Variants in TOP1MT observed in about 807,000 individuals in gnomAD.
TOP1MT encodes the protein DNA topoisomerase I mitochondrial.
Under a neutral mutation model 73.9 loss-of-function variants are expected in TOP1MT, and 80 were observed. The ratio of observed to expected loss-of-function variants is 1.08; its 90% CI spans 0.90 to 1.30. The LOEUF (loss-of-function observed/expected upper bound fraction) is 1.30, where lower values mean the gene tolerates loss of function less well. TOP1MT is among the 50% of genes most tolerant of loss of function. The pLI is 0.00. For synonymous variants in TOP1MT, 338 were observed against 326.4 expected, an observed-to-expected ratio of 1.04 and a Z score of -0.38; for missense variants, 815 against 808.0, an observed-to-expected ratio of 1.01 and a Z score of -0.10.
At position 143,326,337 on chromosome 8, in the gene TOP1MT, G is replaced by A. The variant is rs2130244893; in HGVS notation, c.368C>T (p.Ala123Val). 7 of 1,613,856 alleles carry A rather than the reference G, an allele frequency of 4.3e-6. No homozygotes were observed. Among genetic ancestry groups the A allele is most frequent in the Non-Finnish European group, 5.1e-6 (6 of 1,179,960 alleles). Residue 123 changes from alanine (A) to valine (V), a missense_variant, in exon 4 of 14, where the codon GCG becomes GTG. By Grantham distance (64) the Ala-to-Val change is moderately conservative. This residue lies in a region of TOP1MT where 751 missense variants were observed against 725.4 expected (regional missense o/e 1.04). Coordinates refer to ENST00000329245, the MANE Select transcript of TOP1MT (RefSeq NM_052963.3). The stretch of plus-strand genomic sequence containing the variant: ...CTTGATGACTTCCCTCTCTTCCACC[G>A]CCATTTCCTGCAAAAACCACAGACA... ...NFFNDWRKEM[A>V]VEEREVIKSL...
chr8:143,313,871 A>G (rs1490939673), intron 12 of TOP1MT, among the ~76,000 whole-genome samples: 11 of 151,960 alleles, frequency 7.2e-5, no homozygotes, highest in East Asian at 3.9e-4. Flanking sequence ...AAAAAAAAAA[A>G]AAAGAAAGAA....
At chr8:143,319,093 C>T (rs1339744603) in intron 8 of TOP1MT, among the ~76,000 whole-genome samples, 2 of 152,116 alleles carry the variant, frequency 1.3e-5, no homozygotes, top group Non-Finnish European at 2.9e-5. Context: ...CTCCTTGCCT[C>T]TTCCTTTCGT....
intron 1 of TOP1MT, chr8:143,332,677 C>T: frequency 1.3e-6 from 1 of 789,346 alleles, no homozygotes; most frequent in Admixed American, 2.4e-5. Flanking sequence ...AGGGAATGGG[C>T]AAGGTTAGAA....
intron 3 of TOP1MT, 39 bp from the exon 4 acceptor site, chr8:143,326,383 A>G (rs764593081): frequency 1.3e-5 from 21 of 1,612,378 alleles, no homozygotes; most frequent in Non-Finnish European, 1.8e-5. Flanking sequence ...CCATGTCTGA[A>G]GGACAGACAT....
chr8:143,334,680 C>T (rs1816943694), intron 1 of TOP1MT, 60 bp downstream of exon 1: 1 of 1,588,120 alleles, frequency 6.3e-7, no homozygotes, highest in Non-Finnish European at 8.6e-7. Context: ...ACTCCCCTTT[C>T]TGGACCTACC....
chr8:143,335,174 C>G (rs1421009676), upstream of TOP1MT, among the ~76,000 whole-genome samples: 1 of 152,252 alleles, frequency 6.6e-6, no homozygotes, highest in Non-Finnish European at 1.5e-5. Context: ...GTCACACGAC[C>G]AGGCCAGTGA....
chr8:143,318,883 G>A (rs1051488433), intron 8 of TOP1MT, among the ~76,000 whole-genome samples: 1 of 152,168 alleles, frequency 6.6e-6, no homozygotes, highest in Admixed American at 6.5e-5. Flanking sequence ...TCCTCTACAC[G>A]TTTGGTTTCA....
upstream of TOP1MT, among the ~76,000 whole-genome samples, chr8:143,356,785 C>CAAA (rs1161995816): frequency 1.1e-3 from 29 of 25,956 alleles, 1 homozygote; most frequent in African/African-American, 4.9e-3. Flanking sequence ...GACTCTGTCT[C>CAAA]AAAAAAAAAA....
chr8:143,309,860 C>A (rs1586744856), intron 13 of TOP1MT: 1 of 1,537,726 alleles, frequency 6.5e-7, no homozygotes, highest in Non-Finnish European at 8.7e-7. Flanking sequence ...CTGTCAGCAC[C>A]CCCACTTCAC....
chr8:143,322,646 C>CAT (rs1238010052), intron 7 of TOP1MT, among the ~76,000 whole-genome samples: 8 of 118,158 alleles, frequency 6.8e-5, no homozygotes, highest in Admixed American at 3.1e-4. Flanking sequence ...ACACACGCCA[C>CAT]ACGCACACCA....
At chr8:143,311,117 ATTTTTTTT>A (rs769172231) in intron 12 of TOP1MT, among the ~76,000 whole-genome samples, 5 of 106,836 alleles carry the variant, frequency 4.7e-5, no homozygotes, top group Middle Eastern at 5.0e-3. Context: ...CACGCACATG[ATTTTTTTT>A]TTTTTTTTTT....
At chr8:143,324,860 C>T (rs921038089) in intron 5 of TOP1MT, among the ~76,000 whole-genome samples, 1 of 152,170 alleles carries the variant, frequency 6.6e-6, no homozygotes, top group African/African-American at 2.4e-5. Context: ...TGGGCGGCCA[C>T]CCAAGCAAGG....
chr8:143,337,283 T>A (rs1266748973), upstream of TOP1MT, among the ~76,000 whole-genome samples: 1 of 152,134 alleles, frequency 6.6e-6, no homozygotes, highest in Non-Finnish European at 1.5e-5. Context: ...CAGGCGCCTG[T>A]AGTCCCAGCT....
chr8:143,323,812 C>G (rs1457832197), intron 7 of TOP1MT, among the ~76,000 whole-genome samples, 187 bp downstream of exon 7: 1 of 152,076 alleles, frequency 6.6e-6, no homozygotes, highest in Non-Finnish European at 1.5e-5. Flanking sequence ...ACACACCACA[C>G]AATGCACATG....
At chr8:143,336,767 G>A (rs1274250208), upstream of TOP1MT, among the ~76,000 whole-genome samples, 15 of 152,084 alleles carry the variant, frequency 9.9e-5, no homozygotes, top group Admixed American at 9.2e-4. Context: ...TGGATCACTT[G>A]AGCCAAGGAG....
chr8:143,328,371 A>G, intron 3 of TOP1MT: 1 of 427,536 alleles, frequency 2.3e-6, no homozygotes, highest in South Asian at 1.7e-5. Flanking sequence ...ATACGCAAGC[A>G]ACTCAGTTTT....
At chr8:143,329,839 T>C (rs1816806103) in intron 2 of TOP1MT, among the ~76,000 whole-genome samples, 1 of 152,238 alleles carries the variant, frequency 6.6e-6, no homozygotes, top group Admixed American at 6.5e-5. Context: ...AAGTTAAGGC[T>C]TCAAAGCAGA....
At chr8:143,319,217 C>T (rs1816260172) in intron 8 of TOP1MT, among the ~76,000 whole-genome samples, 1 of 152,228 alleles carries the variant, frequency 6.6e-6, no homozygotes, top group Admixed American at 6.5e-5. Context: ...CTGCCCTCAA[C>T]ACCTGTCCCC....
upstream of TOP1MT, among the ~76,000 whole-genome samples, chr8:143,358,934 T>C (rs888586803): frequency 2.0e-5 from 3 of 152,222 alleles, no homozygotes; most frequent in African/African-American, 7.2e-5. Context: ...CTGGAGCATA[T>C]TCCTGGGTGT....
Sources: allele counts gnomAD v4.1 joint callset (sites outside exome capture counted in the v4.1 genomes callset), GRCh38; gene constraint gnomAD v4.1.1; regional missense constraint gnomAD v4.1.1; transcripts MANE v1.5; gene names NCBI Gene and HGNC (gene_info 2026-07-23, HGNC 2026-07-21).